STXBP5L: variants seen among roughly 807,000 people sequenced by gnomAD.
STXBP5L encodes syntaxin binding protein 5L.
STXBP5L carries 65 observed loss-of-function variants against 144.5 expected under a neutral mutation model. That is an observed-to-expected ratio of 0.45 (90% confidence interval 0.37 to 0.55). The LOEUF (loss-of-function observed/expected upper bound fraction) is 0.55. Among genes scored for constraint, STXBP5L ranks in the 20% least tolerant of loss-of-function variants. STXBP5L has a pLI of 0.00. For missense variants in STXBP5L, 1,298 were observed against 1,405.5 expected, an observed-to-expected ratio of 0.92 and a Z score of 1.22; for synonymous variants, 505 against 469.6, an observed-to-expected ratio of 1.08 and a Z score of -0.97.
At chr3:121,061,715 T>C (rs531274377) in intron 5 of STXBP5L, among the ~76,000 whole-genome samples, 7 of 152,342 alleles carry the variant, frequency 4.6e-5, no homozygotes, top group African/African-American at 1.7e-4. Context: ...CCCTTTACTA[T>C]TATGTAATGC....
intron 3 of STXBP5L, among the ~76,000 whole-genome samples, chr3:120,987,289 TATCAGTATTTTTAAGTTTTAG>T: frequency 6.6e-6 from 1 of 152,154 alleles, no homozygotes; most frequent in Admixed American, 6.5e-5. Flanking sequence ...AATATTGTAT[TATCAGTATTTTTAAGTTTTAG>T]TCGTTTTGAT....
Position 121,302,968 on chromosome 3 carries a change from T to C in STXBP5L, c.2111-15507T>C, listed in dbSNP as rs551251694. ...GGCAATACCATTCAGGATATAGGCA[T>C]GGGCAAGGACTTCATGTGTAAAACA... On this transcript the variant is annotated intron_variant, in intron 19 of 26. Coordinates refer to ENST00000471454, the MANE Select transcript of STXBP5L (RefSeq NM_001308330.2). 2.0e-5 allele frequency among the ~76,000 whole-genome samples: 3 copies of C among 152,284 alleles called. No individual in the cohort carries two copies. The East Asian group carries it at 5.8e-4, about 29-fold the overall frequency.
intron 3 of STXBP5L, among the ~76,000 whole-genome samples, chr3:120,977,681 A>G (rs1941236332): frequency 2.0e-5 from 3 of 152,114 alleles, no homozygotes; most frequent in South Asian, 2.1e-4. Context: ...AGTGGCTGGT[A>G]CCAGTTGTTT....
intron 3 of STXBP5L, among the ~76,000 whole-genome samples, chr3:120,959,350 C>G (rs890882346): frequency 6.6e-6 from 1 of 152,126 alleles, no homozygotes; most frequent in African/African-American, 2.4e-5. Context: ...AGATTCAATG[C>G]CATCCCCATC....
At chr3:121,136,058 G>A (rs778930803) in intron 7 of STXBP5L, among the ~76,000 whole-genome samples, 5 of 152,164 alleles carry the variant, frequency 3.3e-5, no homozygotes, top group Non-Finnish European at 5.9e-5. Flanking sequence ...CTCAGTGGCA[G>A]GCAGATTATA....
chr3:121,386,205 A>G (rs906650002), intron 22 of STXBP5L, among the ~76,000 whole-genome samples: 1 of 152,064 alleles, frequency 6.6e-6, no homozygotes, highest in Admixed American at 6.6e-5. Flanking sequence ...TATACTCCCC[A>G]TTTATAGGTT....
intron 19 of STXBP5L, among the ~76,000 whole-genome samples, chr3:121,283,296 T>C (rs1420250238): frequency 6.6e-6 from 1 of 152,028 alleles, no homozygotes. Context: ...TTTATGCCCT[T>C]AGCTTACAAA....
chr3:121,369,560 G>A (rs909682699), intron 20 of STXBP5L, among the ~76,000 whole-genome samples: 4 of 149,660 alleles, frequency 2.7e-5, no homozygotes, highest in Non-Finnish European at 2.9e-5. Flanking sequence ...TGGTGTCGTG[G>A]TTCTTTGATT....
At chr3:121,025,257 C>G (rs1223227958) in intron 3 of STXBP5L, among the ~76,000 whole-genome samples, 1 of 151,980 alleles carries the variant, frequency 6.6e-6, no homozygotes, top group Non-Finnish European at 1.5e-5. Context: ...TATGCTGGAC[C>G]TAGTGAAAAG....
At chr3:120,956,126 A>C (rs1225322781) in intron 3 of STXBP5L, among the ~76,000 whole-genome samples, 1 of 151,906 alleles carries the variant, frequency 6.6e-6, no homozygotes, top group East Asian at 1.9e-4. Context: ...GTGTGAACCT[A>C]AGTTTTTGTT....
intron 3 of STXBP5L, among the ~76,000 whole-genome samples, chr3:121,001,083 A>T (rs1248615282): frequency 6.6e-6 from 1 of 152,186 alleles, no homozygotes; most frequent in Non-Finnish European, 1.5e-5. Flanking sequence ...TGTCAAGGTG[A>T]TGGCAACATG....
chr3:120,983,289 C>T (rs1304075366), intron 3 of STXBP5L, among the ~76,000 whole-genome samples: 1 of 151,886 alleles, frequency 6.6e-6, no homozygotes, highest in Non-Finnish European at 1.5e-5. Context: ...TGTGGGTCTG[C>T]CATGGCATAT....
chr3:121,189,847 TAAAC>T (rs975370769), intron 9 of STXBP5L, among the ~76,000 whole-genome samples: 43 of 152,142 alleles, frequency 2.8e-4, no homozygotes, highest in African/African-American at 9.7e-4. Flanking sequence ...CAACTTAAAA[TAAAC>T]AAATAAAAAG....
At chr3:121,017,210 A>T (rs973985651) in intron 3 of STXBP5L, among the ~76,000 whole-genome samples, 1 of 152,228 alleles carries the variant, frequency 6.6e-6, no homozygotes, top group East Asian at 1.9e-4. Context: ...GTAGATGCAG[A>T]GTAAGCATTG....
At chr3:120,981,900 C>T (rs1287488046) in intron 3 of STXBP5L, among the ~76,000 whole-genome samples, 1 of 152,132 alleles carries the variant, frequency 6.6e-6, no homozygotes, top group African/African-American at 2.4e-5. Flanking sequence ...TGTTTGGCTT[C>T]AATTCTAGGT....
In STXBP5L at chr3:121,335,998, G is replaced by C. The variant is rs980021213; in HGVS notation, c.2176+17458G>C. ...TAAACAGACAGCCTACAGAATGGGA[G>C]AAAATATTTTCAAACTATGCATCTG... On this transcript the variant is annotated intron_variant, in intron 20 of 26. Transcript: ENST00000471454. 1.3e-5 allele frequency among the ~76,000 whole-genome samples: 2 copies of C among 152,142 alleles called. 1 individual carries two copies. The highest frequency in any genetic ancestry group is 4.8e-5 in the African/African-American group (2 of 41,444).
At chr3:121,372,592 AG>A (rs2046065304) in intron 20 of STXBP5L, among the ~76,000 whole-genome samples, 2 of 152,148 alleles carry the variant, frequency 1.3e-5, no homozygotes, top group Admixed American at 1.3e-4. Context: ...CATTGGGGTC[AG>A]GGAACAAGTC....
chr3:121,112,350 G>A (rs2044026452), intron 5 of STXBP5L, among the ~76,000 whole-genome samples: 2 of 152,128 alleles, frequency 1.3e-5, no homozygotes, highest in African/African-American at 4.8e-5. Flanking sequence ...TTTTCCTGGT[G>A]GTAGGTAGCA....
chr3:121,302,338 T>C (rs1007017224), intron 19 of STXBP5L, among the ~76,000 whole-genome samples: 4 of 152,194 alleles, frequency 2.6e-5, no homozygotes, highest in Admixed American at 6.5e-5. Flanking sequence ...CATAGAGGTG[T>C]TTATAGTATT....
Sources: gnomAD v4.1 joint callset for allele counts (sites outside exome capture counted in the v4.1 genomes callset) on GRCh38, gnomAD v4.1.1 for gene constraint, MANE v1.5 for transcripts, NCBI Gene and HGNC (gene_info 2026-07-23, HGNC 2026-07-21) for gene names.